The following IQGAP2 variants were observed in gnomAD, a reference collection of about 807,000 sequenced individuals.
IQGAP2 encodes the protein IQ motif containing GTPase activating protein 2, also known as ras GTPase-activating-like protein IQGAP2.
In IQGAP2, 173 loss-of-function variants were observed where a neutral mutation model predicts 201.3. The observed-to-expected ratio is 0.86, with a 90% CI of 0.76 to 0.98. IQGAP2 has a LOEUF of 0.98. Among genes scored for constraint, IQGAP2 ranks in the 50% least tolerant of loss-of-function variants. The pLI is 0.00. For missense variants in IQGAP2, 1,687 were observed against 1,864.8 expected (o/e 0.90, Z 1.76); for synonymous variants, 675 against 673.9 (o/e 1.00, Z -0.03).
At chr5:76,542,865 G>A (rs1338117739) in intron 2 of IQGAP2, among the ~76,000 whole-genome samples, 1 of 152,096 alleles carries the variant, frequency 6.6e-6, no homozygotes, top group Non-Finnish European at 1.5e-5. Flanking sequence ...CTTGCTAGTT[G>A]TATCCACTGT....
chr5:76,623,831 C>T (rs2069645), intron 13 of IQGAP2, among the ~76,000 whole-genome samples: 39,837 of 151,544 alleles, frequency 0.26, 5,242 homozygotes, highest in East Asian at 0.36. Context: ...GAAAATTTTC[C>T]ATCAATGTAA....
At chr5:76,444,184 A>T (rs913160480) in intron 1 of IQGAP2, among the ~76,000 whole-genome samples, 1 of 152,192 alleles carries the variant, frequency 6.6e-6, no homozygotes, top group African/African-American at 2.4e-5. Context: ...TCAGGAGTTC[A>T]GGACCAGCCT....
intron 10 of IQGAP2, among the ~76,000 whole-genome samples, chr5:76,600,307 T>TTAACTTTTTTTGAA (rs1314959345): frequency 2.0e-5 from 3 of 152,222 alleles, no homozygotes; most frequent in African/African-American, 7.2e-5. Context: ...AAATGTCACT[T>TTAACTTTTTTTGAA]TAACTTTTTT....
At position 76,461,728 on chromosome 5, in the gene IQGAP2, G is replaced by C. The variant is rs560060167; in HGVS notation, c.146+59G>C. On this transcript the variant is annotated intron_variant, in intron 2 of 35. Transcript: ENST00000274364. Reference sequence around the variant, plus strand: ...CTCTTGGAGATAAGCTTTGTGATAAGGGCGTGGGATTTGATGACCAGAGGG... The same window carrying C: ...CTCTTGGAGATAAGCTTTGTGATAACGGCGTGGGATTTGATGACCAGAGGG... 3.1e-6 allele frequency: 4 copies of C among 1,281,756 alleles called. No homozygotes were observed. The East Asian group carries it at 9.3e-5, about 30-fold the overall frequency. The allele number at this position is 1,281,756 out of a possible 1,614,324, so 79.4% of individuals were successfully genotyped here.
intron 21 of IQGAP2, among the ~76,000 whole-genome samples, chr5:76,662,340 A>G (rs538494628): frequency 2.5e-4 from 38 of 152,030 alleles, no homozygotes; most frequent in Admixed American, 1.0e-3. Flanking sequence ...TCCTGCCTTC[A>G]CCAACTCTCT....
intron 2 of IQGAP2, among the ~76,000 whole-genome samples, chr5:76,543,325 G>A (rs559403689): frequency 4.6e-5 from 7 of 152,172 alleles, no homozygotes; most frequent in South Asian, 2.1e-4. Context: ...TTTTCAGCCC[G>A]TCTCTCTGTG....
intron 2 of IQGAP2, among the ~76,000 whole-genome samples, chr5:76,475,713 GGATGGTA>G (rs1561399573): frequency 6.6e-6 from 1 of 152,092 alleles, no homozygotes; most frequent in African/African-American, 2.4e-5. Context: ...TGTTTTGCTG[GGATGGTA>G]GTTAAGCTTC....
intron 29 of IQGAP2, 93 bp from the exon 30 acceptor site, chr5:76,683,683 C>A (rs1485600232): frequency 8.4e-7 from 1 of 1,197,142 alleles, no homozygotes; most frequent in Non-Finnish European, 1.2e-6. Flanking sequence ...AATTACCAAG[C>A]CTATCTTTCC....
intron 9 of IQGAP2, among the ~76,000 whole-genome samples, chr5:76,595,974 C>A (rs371969823): frequency 6.6e-6 from 1 of 152,084 alleles, no homozygotes; most frequent in East Asian, 1.9e-4. Flanking sequence ...CACTAGCCTT[C>A]CTTTCTGAAA....
rs117774063 is a variant in IQGAP2, at chr5:76,462,428, C to T, written c.146+759C>T. ...GGCTTTTTAGATTAAATAAATGTTGCGTTCTCCAAGGAGAAAGTGAAGATA... is the reference window on the plus strand; with the variant it reads ...GGCTTTTTAGATTAAATAAATGTTGTGTTCTCCAAGGAGAAAGTGAAGATA... On this transcript the variant is annotated intron_variant, in intron 2 of 35. Transcript: ENST00000274364. Among the ~76,000 whole-genome samples the T allele has an allele frequency of 1.2e-4, 19 of 152,246 alleles. 1 individual carries two copies. In the East Asian group the frequency reaches 3.7e-3, roughly 29 times the overall value.
At chr5:76,686,699 C>T (rs930956955) in intron 30 of IQGAP2, among the ~76,000 whole-genome samples, 15 of 151,936 alleles carry the variant, frequency 9.9e-5, no homozygotes, top group Admixed American at 3.3e-4. Flanking sequence ...TTAGTAGAGA[C>T]GGAGTTTCAT....
At chr5:76,565,513 C>T (rs1744682648) in intron 3 of IQGAP2, among the ~76,000 whole-genome samples, 1 of 152,194 alleles carries the variant, frequency 6.6e-6, no homozygotes, top group South Asian at 2.1e-4. Context: ...TCCATGGCCA[C>T]CTCCGCCCTC....
intron 2 of IQGAP2, among the ~76,000 whole-genome samples, chr5:76,531,488 T>G (rs565766595): frequency 4.6e-5 from 7 of 152,254 alleles, no homozygotes; most frequent in African/African-American, 1.7e-4. Context: ...TAGCTCAAGC[T>G]CTTTTGATAG....
At chr5:76,420,510 G>C (rs1751672051) in intron 1 of IQGAP2, among the ~76,000 whole-genome samples, 1 of 151,764 alleles carries the variant, frequency 6.6e-6, no homozygotes, top group Non-Finnish European at 1.5e-5. Flanking sequence ...CAAGTAGCTG[G>C]GATTACAGGT....
intron 20 of IQGAP2, among the ~76,000 whole-genome samples, chr5:76,656,659 T>C (rs1415850234): frequency 2.0e-5 from 3 of 152,118 alleles, no homozygotes; most frequent in East Asian, 1.9e-4. Context: ...GCAGTTATAG[T>C]GATGTTTTTT....
chr5:76,565,659 G>C lies in IQGAP2; in HGVS notation c.303+3107G>C, dbSNP rs564837229. Among the ~76,000 whole-genome samples, 4 of 152,356 alleles carry C rather than the reference G, an allele frequency of 2.6e-5. No homozygotes were observed. In the South Asian group the frequency reaches 8.3e-4, roughly 32 times the overall value. On this transcript the variant is annotated intron_variant, in intron 3 of 35. Coordinates refer to ENST00000274364, the MANE Select transcript of IQGAP2 (RefSeq NM_006633.5). ...CTATGCCCCATCCCCAGCAAATGGG[G>C]CAGGGTCTTATCCACAGTAGGAACT...
At chr5:76,620,400 G>T (rs1382663850) in intron 13 of IQGAP2, among the ~76,000 whole-genome samples, 1 of 152,082 alleles carries the variant, frequency 6.6e-6, no homozygotes, top group Non-Finnish European at 1.5e-5. Flanking sequence ...TGAGGGAGAG[G>T]CAGGAAGCAA....
In IQGAP2 at chr5:76,477,660, A is replaced by T. The variant is rs184677241; in HGVS notation, c.146+15991A>T. ...TTTAGAGTGAACTTTCTCTACTTAA[A>T]ATAAAAAGCAAATTGTAAAATGGCC... is the stretch of plus-strand genomic sequence containing the variant. On this transcript the variant is annotated intron_variant, in intron 2 of 35. Coordinates refer to ENST00000274364, the MANE Select transcript of IQGAP2 (RefSeq NM_006633.5). Among the ~76,000 whole-genome samples the T allele has an allele frequency of 6.6e-5, 10 of 152,280 alleles. No individual in the cohort carries two copies. The East Asian group carries it at 1.7e-3, about 26-fold the overall frequency.
intron 10 of IQGAP2, among the ~76,000 whole-genome samples, chr5:76,598,675 A>T (rs1049735667): frequency 2.0e-5 from 3 of 152,192 alleles, no homozygotes; most frequent in African/African-American, 7.2e-5. Context: ...AAAGCCCATG[A>T]TGCTGACAGT....
Sources: allele counts gnomAD v4.1 joint callset (sites outside exome capture counted in the v4.1 genomes callset), GRCh38; gene constraint gnomAD v4.1.1; transcripts MANE v1.5; gene names NCBI Gene and HGNC (gene_info 2026-07-23, HGNC 2026-07-21).